Variants in MRPS28 observed in about 807,000 individuals in gnomAD.
The protein encoded by MRPS28 is small ribosomal subunit protein bS1m.
In MRPS28, 7 loss-of-function variants were observed where a neutral mutation model predicts 10.8. The ratio of observed to expected loss-of-function variants is 0.65; its 90% CI spans 0.37 to 1.22. The LOEUF (loss-of-function observed/expected upper bound fraction) is 1.22. Ranked by LOEUF, MRPS28 falls within the 50% of genes most tolerant of loss-of-function variation. MRPS28 has a pLI of 0.02. For missense variants in MRPS28, 265 were observed against 232.9 expected, an observed-to-expected ratio of 1.14 and a Z score of -0.90; for synonymous variants, 121 against 93.3, an observed-to-expected ratio of 1.30 and a Z score of -1.71.
At chr8:79,969,250 C>G (rs1429026539) in intron 2 of MRPS28, among the ~76,000 whole-genome samples, 1 of 151,996 alleles carries the variant, frequency 6.6e-6, no homozygotes, top group Admixed American at 6.6e-5. Flanking sequence ...ATGTACTAAA[C>G]CTATTTAAGA....
chr8:79,947,623 TATTAAG>T (rs1414187182), intron 2 of MRPS28, among the ~76,000 whole-genome samples: 1 of 150,130 alleles, frequency 6.7e-6, no homozygotes, highest in Non-Finnish European at 1.5e-5. Context: ...TTGTTAAATA[TATTAAG>T]TTTTTTTTTT....
chr8:79,990,912 A>T (rs1169859091), intron 2 of MRPS28, among the ~76,000 whole-genome samples: 1 of 151,838 alleles, frequency 6.6e-6, no homozygotes, highest in East Asian at 1.9e-4. Flanking sequence ...AATTTCTTGA[A>T]GCCCAGAGGT....
At position 79,920,576 on chromosome 8, in the gene MRPS28, T is replaced by G. The variant is rs140531069; in HGVS notation, c.396-1428A>C. On this transcript the variant is annotated intron_variant, in intron 2 of 2. Coordinates refer to ENST00000276585, the MANE Select transcript of MRPS28 (RefSeq NM_014018.3). The stretch of plus-strand genomic sequence containing the variant: ...AACATTTTTTCATGTGTCTTTTGGT[T>G]GCATAAATGTCTTCTTTTGAGAAGT... Among the ~76,000 whole-genome samples, 228 of 152,358 alleles carry G rather than the reference T, an allele frequency of 1.5e-3. No homozygotes were observed. In the East Asian group the frequency reaches 0.016, roughly 11 times the overall value.
At chr8:79,933,352 A>T (rs1806517674) in intron 2 of MRPS28, among the ~76,000 whole-genome samples, 2 of 152,150 alleles carry the variant, frequency 1.3e-5, no homozygotes, top group Non-Finnish European at 2.9e-5. Context: ...TCCTTTTATG[A>T]GGCCACCAAT....
chr8:80,027,415 C>A (rs12156383), intron 1 of MRPS28, among the ~76,000 whole-genome samples: 29,815 of 152,120 alleles, frequency 0.2, 3,659 homozygotes, highest in South Asian at 0.31. Flanking sequence ...TGAACTGAGC[C>A]GAAGCTTTTA....
chr8:79,956,298 C>T (rs780276847), intron 2 of MRPS28, among the ~76,000 whole-genome samples: 57 of 152,016 alleles, frequency 3.7e-4, no homozygotes, highest in African/African-American at 1.1e-3. Flanking sequence ...CAAAATTATA[C>T]GTGGCATTAT....
chr8:79,949,429 C>A (rs1475858940), intron 2 of MRPS28, among the ~76,000 whole-genome samples: 28 of 146,044 alleles, frequency 1.9e-4, no homozygotes, highest in African/African-American at 4.0e-4. Flanking sequence ...AAAAAAAAAA[C>A]AACAACAAAA....
In MRPS28 at chr8:80,008,666, T is replaced by A. The variant is rs1422024180; in HGVS notation, c.214-5486A>T. On this transcript the variant is annotated intron_variant, in intron 1 of 2. Transcript: ENST00000276585. ...GACATTTATGCAACCAAAAGACACA[T>A]GAAAAAATGTTCACCATCACTGGCC... Among the ~76,000 whole-genome samples the A allele has an allele frequency of 5.9e-5, 9 of 152,118 alleles. No individual in the cohort carries two copies. In the East Asian group the frequency reaches 1.5e-3, roughly 26 times the overall value.
chr8:79,960,274 C>T (rs925451454), intron 2 of MRPS28, among the ~76,000 whole-genome samples: 1 of 152,160 alleles, frequency 6.6e-6, no homozygotes, highest in African/African-American at 2.4e-5. Context: ...TAGAATGCTG[C>T]TGCAGGCTGT....
At chr8:79,999,468 C>A (rs1320144967) in intron 2 of MRPS28, among the ~76,000 whole-genome samples, 1 of 152,152 alleles carries the variant, frequency 6.6e-6, no homozygotes, top group African/African-American at 2.4e-5. Context: ...ATTTTCAAAG[C>A]ATAAGTGACA....
At chr8:79,954,339 A>G (rs1222485830) in intron 2 of MRPS28, among the ~76,000 whole-genome samples, 1 of 152,198 alleles carries the variant, frequency 6.6e-6, no homozygotes, top group Non-Finnish European at 1.5e-5. Context: ...ATATAGATAT[A>G]TCTATATATG....
At chr8:79,976,284 T>G (rs971943453) in intron 2 of MRPS28, among the ~76,000 whole-genome samples, 2 of 152,172 alleles carry the variant, frequency 1.3e-5, no homozygotes, top group Non-Finnish European at 2.9e-5. Flanking sequence ...GGTTTCTCCA[T>G]GTTGATCAGG....
intron 2 of MRPS28, among the ~76,000 whole-genome samples, chr8:79,946,859 C>A (rs984518756): frequency 5.9e-5 from 9 of 151,956 alleles, no homozygotes; most frequent in Non-Finnish European, 1.0e-4. Flanking sequence ...AGAATGTTGC[C>A]TAAGTATTAA....
chr8:79,938,374 A>G (rs1232103564), intron 2 of MRPS28, among the ~76,000 whole-genome samples: 1 of 151,794 alleles, frequency 6.6e-6, no homozygotes, highest in Non-Finnish European at 1.5e-5. Flanking sequence ...CCATAAAGCT[A>G]GTAAACAGTA....
chr8:79,927,268 T>G (rs1810254474), intron 2 of MRPS28, among the ~76,000 whole-genome samples: 1 of 152,204 alleles, frequency 6.6e-6, no homozygotes, highest in African/African-American at 2.4e-5. Context: ...AGACGTAAGA[T>G]TTTCAAAATC....
intron 2 of MRPS28, among the ~76,000 whole-genome samples, chr8:79,984,980 C>G (rs1586077466): frequency 6.6e-6 from 1 of 152,240 alleles, no homozygotes; most frequent in East Asian, 1.9e-4. Flanking sequence ...ACATTTTTTT[C>G]AGCACCACAC....
intron 2 of MRPS28, among the ~76,000 whole-genome samples, chr8:79,959,640 G>A (rs1042607677): frequency 6.6e-5 from 10 of 152,022 alleles, no homozygotes; most frequent in African/African-American, 2.2e-4. Flanking sequence ...TACAATATGG[G>A]TTTTGGGTAT....
intron 2 of MRPS28, among the ~76,000 whole-genome samples, chr8:79,939,239 T>C (rs1806691799): frequency 6.6e-6 from 1 of 152,260 alleles, no homozygotes; most frequent in Admixed American, 6.5e-5. Context: ...TTTGACAAAG[T>C]CATTGCTTGC....
At chr8:80,008,745 G>A (rs1199173876) in intron 1 of MRPS28, among the ~76,000 whole-genome samples, 1 of 152,244 alleles carries the variant, frequency 6.6e-6, no homozygotes, top group Non-Finnish European at 1.5e-5. Flanking sequence ...ACACCAGTTA[G>A]AATGGTGATC....
Sources: gnomAD v4.1 joint callset for allele counts (sites outside exome capture counted in the v4.1 genomes callset) on GRCh38, gnomAD v4.1.1 for gene constraint, MANE v1.5 for transcripts, NCBI Gene and HGNC (gene_info 2026-07-23, HGNC 2026-07-21) for gene names.